PPFIBP1: variants seen among roughly 807,000 people sequenced by gnomAD.
PPFIBP1 encodes the protein liprin-beta-1.
PPFIBP1 carries 112 observed loss-of-function variants against 137.8 expected under a neutral mutation model. The observed-to-expected ratio is 0.81, with a 90% CI of 0.70 to 0.95. The LOEUF (loss-of-function observed/expected upper bound fraction) is 0.95, where lower values mean the gene tolerates loss of function less well. Among genes scored for constraint, PPFIBP1 ranks in the 40% least tolerant of loss-of-function variants. PPFIBP1 has a pLI of 0.00. For missense variants in PPFIBP1, 1,083 were observed against 1,196.6 expected (o/e 0.91, Z 1.40); for synonymous variants, 378 against 417.3 (o/e 0.91, Z 1.15).
At chr12:27,683,438 A>G (rs1348038119) in intron 24 of PPFIBP1, among the ~76,000 whole-genome samples, 1 of 152,216 alleles carries the variant, frequency 6.6e-6, no homozygotes, top group Non-Finnish European at 1.5e-5. Context: ...TCTATGTGCA[A>G]TGACCATTTG....
chr12:27,655,317 G>A, intron 8 of PPFIBP1: 1 of 960,174 alleles, frequency 1.0e-6, no homozygotes, highest in East Asian at 2.6e-5. Flanking sequence ...GTTTTTAGTG[G>A]CATGTGCATT....
In PPFIBP1 at chr12:27,650,150, T is replaced by C. The variant is rs763942075; in HGVS notation, c.603+9T>C. On this transcript the variant is annotated intron_variant, in intron 7 of 29. Coordinates refer to ENST00000228425, the MANE Select transcript of PPFIBP1 (RefSeq NM_003622.4). ...AGTTCAGAGACACAGAGGTGAGTGA[T>C]ACAGTCTCTCCTCCCTCTCTCTCTC... 5 of 1,591,328 alleles carry C rather than the reference T, an allele frequency of 3.1e-6. No individual in the cohort carries two copies. The African/African-American group carries it at 5.4e-5, about 17-fold the overall frequency.
chr12:27,645,311 T>C (rs1454286435), intron 4 of PPFIBP1, among the ~76,000 whole-genome samples: 1 of 152,256 alleles, frequency 6.6e-6, no homozygotes, highest in African/African-American at 2.4e-5. Flanking sequence ...CTGTTCTTTG[T>C]GAGCCTCTTT....
chr12:27,646,071 C>T lies in PPFIBP1; in HGVS notation c.280C>T (p.His94Tyr), dbSNP rs1413014535. The T allele has an allele frequency of 1.6e-5, 25 of 1,605,376 alleles. No individual in the cohort carries two copies. Among genetic ancestry groups the T allele is most frequent in the Non-Finnish European group, 1.8e-5 (21 of 1,173,380 alleles). The change falls in exon 5 of 30, where the codon CAC (histidine) becomes TAC (tyrosine). Residue 94 changes from histidine to tyrosine, a missense_variant. Coordinates refer to ENST00000228425, the MANE Select transcript of PPFIBP1 (RefSeq NM_003622.4). Reference protein sequence around the residue: ...EWLQSQMTNGHLPGNGDVYQE... With the variant: ...EWLQSQMTNGYLPGNGDVYQE... ...TTACTTCCTTTTTCAGACAAATGGA[C>T]ACCTACCAGGGAACGGAGATGTGTA...
intron 1 of PPFIBP1, among the ~76,000 whole-genome samples, chr12:27,533,249 C>T (rs540894120): frequency 1.3e-5 from 2 of 152,198 alleles, no homozygotes; most frequent in African/African-American, 4.8e-5. Flanking sequence ...CCACATTATC[C>T]TTAATTTTCT....
At chr12:27,579,300 T>C (rs1294269424) in intron 2 of PPFIBP1, among the ~76,000 whole-genome samples, 1 of 152,216 alleles carries the variant, frequency 6.6e-6, no homozygotes, top group Non-Finnish European at 1.5e-5. Context: ...CAGTCAGCTC[T>C]TTGCTGAAGG....
chr12:27,623,825 C>T (rs1291515782), intron 2 of PPFIBP1, among the ~76,000 whole-genome samples: 2 of 152,118 alleles, frequency 1.3e-5, no homozygotes, highest in East Asian at 1.9e-4. Flanking sequence ...AGCCAGGATA[C>T]TTAAGACATC....
In PPFIBP1 at chr12:27,681,790, G is replaced by A. The variant is rs756524601; in HGVS notation, c.2046+94G>A. On this transcript the variant is annotated intron_variant, in intron 22 of 29. Transcript: ENST00000228425. ...TTATAGTCCAGAAAGGGCCATGAGT[G>A]AAGCCAGTAAAAACTCTGTAAACAA... 15 of 1,394,994 alleles carry A rather than the reference G, an allele frequency of 1.1e-5. No individual in the cohort carries two copies. The Admixed American group carries it at 2.6e-4, about 24-fold the overall frequency. 86.4% of individuals were successfully genotyped at this position (1,394,994 alleles called of 1,614,324 possible).
rs1026158838 is a variant in PPFIBP1, at chr12:27,693,188, G to A, written c.*306G>A. The A allele has an allele frequency of 8.4e-6, 2 of 237,454 alleles. No individual in the cohort carries two copies. Among genetic ancestry groups the A allele is most frequent in the East Asian group, 1.1e-4 (1 of 9,488 alleles). The allele number at this position is 237,454 out of a possible 1,614,324, so 14.7% of individuals were successfully genotyped here. A position where few individuals can be genotyped will look rare whatever the true frequency, so the allele number is the denominator to read the frequency against. On this transcript the variant is annotated 3_prime_UTR_variant, in exon 30 of 30. Coordinates refer to ENST00000228425, the MANE Select transcript of PPFIBP1 (RefSeq NM_003622.4). Reference sequence around the variant, plus strand: ...CCAGAGTGTTTCCATTCATATCCGCGGTATGGAGGATTTGAGGAACAGTAA... The same window carrying A: ...CCAGAGTGTTTCCATTCATATCCGCAGTATGGAGGATTTGAGGAACAGTAA...
chr12:27,593,860 T>G (rs1271769690), intron 2 of PPFIBP1: 3 of 1,430,026 alleles, frequency 2.1e-6, no homozygotes, highest in Non-Finnish European at 2.8e-6. Flanking sequence ...CAGTCCCCCA[T>G]GCCCCTTGGA....
chr12:27,583,011 A>T (rs1049871105), intron 2 of PPFIBP1, among the ~76,000 whole-genome samples: 4 of 152,194 alleles, frequency 2.6e-5, no homozygotes, highest in African/African-American at 9.7e-5. Flanking sequence ...GCTTGGCTTG[A>T]CATAGTTAGG....
chr12:27,646,344 C>G (rs907529668), intron 5 of PPFIBP1, 196 bp downstream of exon 5: 5 of 615,014 alleles, frequency 8.1e-6, no homozygotes, highest in Non-Finnish European at 1.5e-5. Flanking sequence ...AAGGAGCTAC[C>G]ATTAATCATC....
At chr12:27,573,704 C>T (rs1448639001) in intron 1 of PPFIBP1, among the ~76,000 whole-genome samples, 3 of 152,178 alleles carry the variant, frequency 2.0e-5, no homozygotes, top group South Asian at 2.1e-4. Flanking sequence ...TAAAAGCCGG[C>T]GGGTGCAGTG....
At chr12:27,683,913 A>G (rs1377966160) in intron 24 of PPFIBP1, among the ~76,000 whole-genome samples, 8 of 150,728 alleles carry the variant, frequency 5.3e-5, no homozygotes, top group African/African-American at 1.7e-4. Flanking sequence ...TCAGCCTCCC[A>G]AGTAGCTGGG....
chr12:27,634,935 T>C lies in PPFIBP1; in HGVS notation c.90T>C (p.Asn30=). ...GTTCTAAGGCTCTGGAATATTCCAA[T>C]GGGATTTTTGATTGCCAATCTCCCA... ...IAGSKALEYS[N]GIFDCQSPTS... is the part of the protein sequence containing the mutation. Residue 30 remains asparagine, a synonymous_variant, in exon 4 of 30, where the codon AAT becomes AAC. Coordinates refer to ENST00000228425, the MANE Select transcript of PPFIBP1 (RefSeq NM_003622.4). 1 of 1,614,062 alleles carries C rather than the reference T, an allele frequency of 6.2e-7. No homozygotes were observed. Among genetic ancestry groups the C allele is most frequent in the African/African-American group, 1.3e-5 (1 of 75,060 alleles).
intron 2 of PPFIBP1, chr12:27,592,394 G>A (rs2137328893): frequency 1.6e-6 from 1 of 612,068 alleles, no homozygotes; most frequent in East Asian, 2.9e-5. Context: ...AAACTATTGG[G>A]GATTATCAGT....
chr12:27,640,070 T>A (rs2058004740), intron 4 of PPFIBP1, among the ~76,000 whole-genome samples: 1 of 152,212 alleles, frequency 6.6e-6, no homozygotes, highest in Non-Finnish European at 1.5e-5. Flanking sequence ...CACTGAGACA[T>A]CCTAGCTAAA....
intron 1 of PPFIBP1, among the ~76,000 whole-genome samples, chr12:27,574,933 A>G (rs2050435953): frequency 6.6e-6 from 1 of 152,236 alleles, no homozygotes; most frequent in Non-Finnish European, 1.5e-5. Context: ...TCCCTGGTAT[A>G]TAAGTTCCCA....
At chr12:27,578,824 C>T (rs927968321) in intron 2 of PPFIBP1, among the ~76,000 whole-genome samples, 1 of 152,184 alleles carries the variant, frequency 6.6e-6, no homozygotes, top group Non-Finnish European at 1.5e-5. Flanking sequence ...AGGCATGGCC[C>T]TGACACTACT....
Sources: allele counts gnomAD v4.1 joint callset (sites outside exome capture counted in the v4.1 genomes callset), GRCh38; gene constraint gnomAD v4.1.1; transcripts MANE v1.5; gene names NCBI Gene and HGNC (gene_info 2026-07-23, HGNC 2026-07-21).